The following SLC2A13 variants were observed in gnomAD, a reference collection of about 807,000 sequenced individuals.
SLC2A13 encodes the protein solute carrier family 2 member 13, also known as proton myo-inositol cotransporter.
SLC2A13 carries 32 observed loss-of-function variants against 64.4 expected under a neutral mutation model. That is an observed-to-expected ratio of 0.50 (90% CI 0.37 to 0.67). The LOEUF is 0.67. SLC2A13 is among the 30% of genes least tolerant of loss of function. SLC2A13 has a pLI of 0.00. For missense variants in SLC2A13, 743 were observed against 829.2 expected, an observed-to-expected ratio of 0.90 and a Z score of 1.28; for synonymous variants, 338 against 327.1, an observed-to-expected ratio of 1.03 and a Z score of -0.36.
At chr12:40,028,778 A>G (rs1209033672) in intron 2 of SLC2A13, among the ~76,000 whole-genome samples, 1 of 152,250 alleles carries the variant, frequency 6.6e-6, no homozygotes, top group Non-Finnish European at 1.5e-5. Context: ...GTCATTATGT[A>G]TACACATTCT....
At chr12:39,889,436 G>T (rs1442370140) in intron 4 of SLC2A13, among the ~76,000 whole-genome samples, 1 of 151,508 alleles carries the variant, frequency 6.6e-6, no homozygotes, top group East Asian at 1.9e-4. Flanking sequence ...TTTTACAACT[G>T]CTGTAAACTA....
At position 39,882,574 on chromosome 12, in the gene SLC2A13, A is replaced by G. The variant is rs113660196; in HGVS notation, c.1035-10613T>C. 4.5e-3 allele frequency among the ~76,000 whole-genome samples: 684 copies of G among 152,286 alleles called. 4 individuals are homozygous for G. Among genetic ancestry groups the G allele is most frequent in the Non-Finnish European group, 6.8e-3 (463 of 68,022 alleles). On this transcript the variant is annotated intron_variant, in intron 4 of 9. Transcript: ENST00000280871. ...CCAACTCTCCAAAGGATGCTTTCAT[A>G]GCATTTCCCTTCTTTCCACTATCCC...
At position 40,048,099 on chromosome 12, in the gene SLC2A13, G is replaced by A; in HGVS notation, c.668C>T (p.Ala223Val). Residue 223 changes from alanine (A) to valine (V), a missense_variant, in exon 2 of 10, where the codon GCA becomes GTA. By Grantham distance (64) the Ala-to-Val change is moderately conservative. Around this residue, in one of 2 missense-constraint regions of SLC2A13, gnomAD observed 448 missense variants for 447.4 expected, o/e 1.00. Transcript: ENST00000280871. Reference protein sequence around the residue: ...TLFITGGQFFASVVDGAFSYL... With the variant: ...TLFITGGQFFVSVVDGAFSYL... ...ACTGAAGGCTCCATCAACAACACTT[G>A]CAAAGAACTGCCCTCCTGTGATGAA... is the stretch of plus-strand genomic sequence containing the variant. 6.2e-7 allele frequency: 1 copy of A among 1,613,388 alleles called. No individual in the cohort carries two copies. Among genetic ancestry groups the A allele is most frequent in the Non-Finnish European group, 8.5e-7 (1 of 1,179,704 alleles).
At chr12:39,810,702 A>C (rs572157698) in intron 7 of SLC2A13, among the ~76,000 whole-genome samples, 1 of 152,122 alleles carries the variant, frequency 6.6e-6, no homozygotes, top group East Asian at 1.9e-4. Context: ...GAATTTAATC[A>C]ATTTATTTTC....
At chr12:39,839,904 G>A (rs1305020179) in intron 6 of SLC2A13, among the ~76,000 whole-genome samples, 2 of 152,034 alleles carry the variant, frequency 1.3e-5, no homozygotes, top group African/African-American at 2.4e-5. Context: ...CAAACCTATT[G>A]TTCCTTTTGT....
chr12:39,794,409 C>T (rs1402272340), intron 7 of SLC2A13, among the ~76,000 whole-genome samples: 1 of 152,136 alleles, frequency 6.6e-6, no homozygotes, highest in South Asian at 2.1e-4. Context: ...CCTAGAGCTG[C>T]CTCTTTACAT....
chr12:40,081,045 T>C (rs1938379572), intron 1 of SLC2A13, among the ~76,000 whole-genome samples: 2 of 152,216 alleles, frequency 1.3e-5, no homozygotes, highest in South Asian at 4.1e-4. Flanking sequence ...CTCTTCTGGC[T>C]TGTAAGATTT....
chr12:39,964,849 A>G (rs905366108), intron 3 of SLC2A13, among the ~76,000 whole-genome samples: 6 of 152,204 alleles, frequency 3.9e-5, no homozygotes, highest in Non-Finnish European at 7.3e-5. Flanking sequence ...CATGAAAGCT[A>G]TAAGAGGCTG....
intron 7 of SLC2A13, among the ~76,000 whole-genome samples, chr12:39,789,675 A>C (rs1276993615): frequency 6.6e-6 from 1 of 152,168 alleles, no homozygotes; most frequent in African/African-American, 2.4e-5. Context: ...TAGCAGTAGA[A>C]GACAGAGAAC....
chr12:39,763,315 G>A (rs1232215155), intron 9 of SLC2A13, among the ~76,000 whole-genome samples: 3 of 152,014 alleles, frequency 2.0e-5, no homozygotes, highest in African/African-American at 7.2e-5. Context: ...AAAAGCATTA[G>A]ATAAATACCA....
intron 3 of SLC2A13, among the ~76,000 whole-genome samples, chr12:39,975,511 G>C (rs1403263872): frequency 6.6e-6 from 1 of 152,168 alleles, no homozygotes; most frequent in Non-Finnish European, 1.5e-5. Flanking sequence ...AAAGGTAGTA[G>C]ACATTTTCTA....
intron 4 of SLC2A13, among the ~76,000 whole-genome samples, chr12:39,923,683 T>C (rs529522932): frequency 1.1e-5 from 1 of 92,460 alleles, no homozygotes; most frequent in Non-Finnish European, 2.4e-5. Context: ...TATATATATA[T>C]ATATGCGCAC....
chr12:40,076,843 A>G (rs774281690), intron 1 of SLC2A13, among the ~76,000 whole-genome samples: 2 of 152,090 alleles, frequency 1.3e-5, no homozygotes, highest in Non-Finnish European at 2.9e-5. Flanking sequence ...TGACTTTTCA[A>G]TAACTGCCAT....
chr12:39,762,039 A>G (rs1940172029), intron 9 of SLC2A13, among the ~76,000 whole-genome samples: 1 of 152,076 alleles, frequency 6.6e-6, no homozygotes. Context: ...CCAAAGCTGA[A>G]TAATATCAAG....
chr12:39,851,545 G>T (rs1943468658), intron 6 of SLC2A13, among the ~76,000 whole-genome samples: 1 of 152,124 alleles, frequency 6.6e-6, no homozygotes, highest in African/African-American at 2.4e-5. Context: ...AAAAATGTTT[G>T]GTCTAGGCTA....
At chr12:39,825,018 G>T (rs998303874) in intron 7 of SLC2A13, among the ~76,000 whole-genome samples, 5 of 152,086 alleles carry the variant, frequency 3.3e-5, no homozygotes, top group Non-Finnish European at 7.4e-5. Flanking sequence ...GGGAAAACAG[G>T]CTGGGTGTTA....
At chr12:39,878,401 G>A (rs1028555793) in intron 4 of SLC2A13, among the ~76,000 whole-genome samples, 4 of 152,214 alleles carry the variant, frequency 2.6e-5, no homozygotes, top group Non-Finnish European at 5.9e-5. Context: ...ATAGTGATAT[G>A]GACGGTGAAG....
At chr12:39,952,443 T>C (rs1497049) in intron 3 of SLC2A13, among the ~76,000 whole-genome samples, 21,868 of 152,186 alleles carry the variant, frequency 0.14, 1,644 homozygotes, top group South Asian at 0.24. Context: ...CAGGATCTTT[T>C]GAAAATCTAA....
At position 39,922,861 on chromosome 12, in the gene SLC2A13, A is replaced by G. The variant is rs1945639308; in HGVS notation, c.1034+28396T>C. 2.0e-5 allele frequency among the ~76,000 whole-genome samples: 3 copies of G among 152,238 alleles called. No homozygotes were observed. The East Asian group carries it at 5.8e-4, about 29-fold the overall frequency. On this transcript the variant is annotated intron_variant, in intron 4 of 9. Transcript: ENST00000280871. The stretch of plus-strand genomic sequence containing the variant: ...TTGCAAAACACAAAGGGTCAAGCCT[A>G]TTGCATTTTACATTGCCAAACTTTT...
Sources: gnomAD v4.1 joint callset for allele counts (sites outside exome capture counted in the v4.1 genomes callset) on GRCh38, gnomAD v4.1.1 for gene constraint, gnomAD v4.1.1 regional missense constraint, MANE v1.5 for transcripts, NCBI Gene and HGNC (gene_info 2026-07-23, HGNC 2026-07-21) for gene names.